TMEM132D: variants seen among roughly 807,000 people sequenced by gnomAD.
TMEM132D encodes the protein transmembrane protein 132D.
A neutral mutation model predicts 62.3 loss-of-function variants in TMEM132D; 21 were observed. The ratio of observed to expected loss-of-function variants is 0.34; its 90% confidence interval spans 0.24 to 0.49. The LOEUF is 0.49. Among genes scored for constraint, TMEM132D ranks in the 20% least tolerant of loss-of-function variants. The pLI, the probability that TMEM132D is intolerant of heterozygous loss-of-function variation, is 0.99. For synonymous variants in TMEM132D, 621 were observed against 575.6 expected (o/e 1.08, Z -1.13); for missense variants, 1,346 against 1,402.8 (o/e 0.96, Z 0.65).
At chr12:129,462,742 T>C (rs1873721256) in intron 3 of TMEM132D, among the ~76,000 whole-genome samples, 1 of 152,196 alleles carries the variant, frequency 6.6e-6, no homozygotes, top group South Asian at 2.1e-4. Context: ...TGGTAGTAAA[T>C]AATTATTTTG....
At position 129,353,911 on chromosome 12, in the gene TMEM132D, C is replaced by T. The variant is rs907735250; in HGVS notation, c.1116-16094G>A. Among the ~76,000 whole-genome samples the T allele has an allele frequency of 4.6e-5, 7 of 151,952 alleles. No individual in the cohort carries two copies. In the South Asian group the frequency reaches 8.3e-4, roughly 18 times the overall value. ...CTCTCGGAGGTCTAATCTTCTCGCA[C>T]GGAGCCAATGAACAGCTCCTTCCCA... is the stretch of plus-strand genomic sequence containing the variant. On this transcript the variant is annotated intron_variant, in intron 3 of 8. Transcript: ENST00000422113.
At chr12:129,385,623 T>C (rs1291339761) in intron 3 of TMEM132D, among the ~76,000 whole-genome samples, 1 of 152,162 alleles carries the variant, frequency 6.6e-6, no homozygotes, top group African/African-American at 2.4e-5. Context: ...CAAGAATTAG[T>C]TGAAAACACA....
At chr12:129,393,755 T>C (rs1871351138) in intron 3 of TMEM132D, among the ~76,000 whole-genome samples, 1 of 152,186 alleles carries the variant, frequency 6.6e-6, no homozygotes, top group Non-Finnish European at 1.5e-5. Flanking sequence ...CACGCCAAAC[T>C]GAGGTTGTTT....
At chr12:129,157,929 G>A (rs1007486071) in intron 5 of TMEM132D, among the ~76,000 whole-genome samples, 20 of 152,198 alleles carry the variant, frequency 1.3e-4, no homozygotes, top group African/African-American at 4.6e-4. Context: ...TGGCATGCTG[G>A]TGGAGGTATT....
At chr12:129,746,993 G>T (rs1158860909) in intron 1 of TMEM132D, among the ~76,000 whole-genome samples, 1 of 152,080 alleles carries the variant, frequency 6.6e-6, no homozygotes, top group African/African-American at 2.4e-5. Flanking sequence ...TCTCATCTGG[G>T]TGCCTTGCTC....
chr12:129,294,495 G>A (rs1433272573), intron 4 of TMEM132D, among the ~76,000 whole-genome samples: 2 of 152,138 alleles, frequency 1.3e-5, no homozygotes, highest in Non-Finnish European at 2.9e-5. Context: ...AGCTGGGACA[G>A]GTGCCCCGAT....
intron 1 of TMEM132D, among the ~76,000 whole-genome samples, chr12:129,733,129 A>G (rs1346304955): frequency 6.6e-6 from 1 of 152,122 alleles, no homozygotes; most frequent in African/African-American, 2.4e-5. Context: ...TGCCTAGTGA[A>G]TTTCTCGTCT....
At chr12:129,357,640 CATT>C (rs1437194850) in intron 3 of TMEM132D, among the ~76,000 whole-genome samples, 1 of 151,648 alleles carries the variant, frequency 6.6e-6, no homozygotes, top group Non-Finnish European at 1.5e-5. Flanking sequence ...AGGAGTTTGT[CATT>C]ATTTCAGATC....
At chr12:129,593,654 G>A (rs1019005955) in intron 2 of TMEM132D, among the ~76,000 whole-genome samples, 2 of 152,150 alleles carry the variant, frequency 1.3e-5, no homozygotes, top group Non-Finnish European at 2.9e-5. Flanking sequence ...AAGGAATTAA[G>A]GCCCACCTTG....
chr12:129,423,357 C>T (rs573948234), intron 3 of TMEM132D, among the ~76,000 whole-genome samples: 2 of 152,122 alleles, frequency 1.3e-5, no homozygotes, highest in Non-Finnish European at 2.9e-5. Flanking sequence ...GTGCCTATAG[C>T]CGCTGATAAC....
intron 5 of TMEM132D, among the ~76,000 whole-genome samples, chr12:129,136,127 A>T (rs559041269): frequency 6.0e-4 from 91 of 152,334 alleles, no homozygotes; most frequent in Admixed American, 2.2e-3. Context: ...TATTAAGTTC[A>T]TACTTGGCAC....
intron 3 of TMEM132D, among the ~76,000 whole-genome samples, chr12:129,388,004 C>T (rs1251588870): frequency 7.1e-5 from 6 of 84,806 alleles, no homozygotes; most frequent in Non-Finnish European, 1.3e-4. Context: ...ACACTAACAC[C>T]GACATCAATA....
At chr12:129,514,906 T>C (rs1276535773) in intron 3 of TMEM132D, among the ~76,000 whole-genome samples, 1 of 152,152 alleles carries the variant, frequency 6.6e-6, no homozygotes, top group Admixed American at 6.5e-5. Flanking sequence ...TACTCCATGA[T>C]TAGTGATGTT....
intron 5 of TMEM132D, among the ~76,000 whole-genome samples, chr12:129,146,355 G>A (rs7138570): frequency 0.92 from 139,892 of 152,204 alleles, 64,492 homozygotes; most frequent in South Asian, 0.93. Flanking sequence ...TTTCCTGCTT[G>A]TAATTCTCTC....
rs1881511197 is a variant in TMEM132D, at chr12:129,706,569, T to C, written c.80-5871A>G. ...AAATGTTACATACCTCCTTTTCCGG[T>C]CTCTGACTTATGAAGTATAGAAAAG... On this transcript the variant is annotated intron_variant, in intron 1 of 8. Transcript: ENST00000422113. Among the ~76,000 whole-genome samples, 3 of 151,926 alleles carry C rather than the reference T, an allele frequency of 2.0e-5. No homozygotes were observed. In the South Asian group the frequency reaches 6.2e-4, roughly 31 times the overall value.
At chr12:129,647,490 G>C (rs1879817387) in intron 2 of TMEM132D, among the ~76,000 whole-genome samples, 1 of 152,126 alleles carries the variant, frequency 6.6e-6, no homozygotes. Context: ...GGATCATGGA[G>C]GAAGGCTGCC....
At chr12:129,162,876 A>G (rs769175602) in intron 5 of TMEM132D, among the ~76,000 whole-genome samples, 1 of 152,224 alleles carries the variant, frequency 6.6e-6, no homozygotes, top group African/African-American at 2.4e-5. Flanking sequence ...GCAAGGAAAG[A>G]ATGTTCTAAC....
In TMEM132D at chr12:129,728,745, G is replaced by A. The variant is rs114430927; in HGVS notation, c.80-28047C>T. ...CTGGTAAAGGGGCTTCTGTAGTTGC[G>A]AAGAGGGAGAAACGCAGCCCTGGTT... On this transcript the variant is annotated intron_variant, in intron 1 of 8. Transcript: ENST00000422113. Among the ~76,000 whole-genome samples the A allele has an allele frequency of 1.0e-2, 1,517 of 152,292 alleles. 31 individuals are homozygous for A. Among genetic ancestry groups the A allele is most frequent in the African/African-American group, 0.034 (1,394 of 41,558 alleles).
At chr12:129,288,765 G>C (rs1337524817) in intron 4 of TMEM132D, among the ~76,000 whole-genome samples, 1 of 152,194 alleles carries the variant, frequency 6.6e-6, no homozygotes, top group African/African-American at 2.4e-5. Flanking sequence ...GGATCTGGGA[G>C]AGATACTAGC....
Sources: allele counts gnomAD v4.1 joint callset (sites outside exome capture counted in the v4.1 genomes callset), GRCh38; gene constraint gnomAD v4.1.1; transcripts MANE v1.5; gene names NCBI Gene and HGNC (gene_info 2026-07-23, HGNC 2026-07-21).